Variants in KCNG3 observed in about 807,000 individuals in gnomAD.
KCNG3 encodes potassium voltage-gated channel modifier subfamily G member 3, also known as voltage-gated potassium channel regulatory subunit KCNG3.
A neutral mutation model predicts 29.0 loss-of-function variants in KCNG3; 15 were observed. The observed-to-expected ratio is 0.52, with a 90% confidence interval of 0.35 to 0.80. The LOEUF (loss-of-function observed/expected upper bound fraction) is 0.80, where lower values mean the gene tolerates loss of function less well. KCNG3 is among the 30% of genes least tolerant of loss of function. The pLI, the probability that KCNG3 is intolerant of heterozygous loss-of-function variation, is 0.01. For missense variants in KCNG3, 512 were observed against 605.7 expected, an observed-to-expected ratio of 0.85 and a Z score of 1.62; for synonymous variants, 322 against 248.9, an observed-to-expected ratio of 1.29 and a Z score of -2.76.
chr2:42,477,388 TACACAC>T (rs1210808896), intron 1 of KCNG3, among the ~76,000 whole-genome samples: 91 of 104,786 alleles, frequency 8.7e-4, no homozygotes, highest in Middle Eastern at 7.2e-3. Context: ...CACATATATA[TACACAC>T]ACACACACAC....
chr2:42,409,800 T>C, the KCNG3 span, among the ~76,000 whole-genome samples: 1 of 149,362 alleles, frequency 6.7e-6, no homozygotes, highest in Non-Finnish European at 1.5e-5. Flanking sequence ...TGCATCCCAC[T>C]CCCAGGTAAC....
At chr2:42,390,419 G>A in the KCNG3 span, among the ~76,000 whole-genome samples, 2 of 152,154 alleles carry the variant, frequency 1.3e-5, no homozygotes, top group African/African-American at 2.4e-5. Flanking sequence ...TTCATTTTCC[G>A]TAGCTCTACA....
At chr2:42,407,177 CTTT>C in the KCNG3 span, among the ~76,000 whole-genome samples, 4 of 133,120 alleles carry the variant, frequency 3.0e-5, no homozygotes, top group Admixed American at 1.5e-4. Context: ...TCTGCTTGAT[CTTT>C]TTTTTTTTTT....
the KCNG3 span, among the ~76,000 whole-genome samples, chr2:42,400,784 GT>G: frequency 3.6e-4 from 53 of 149,046 alleles, no homozygotes; most frequent in Middle Eastern, 3.4e-3. Flanking sequence ...GAAAAAATGG[GT>G]TTTTTTTTTC....
chr2:42,482,886 C>T (rs1267028395), intron 1 of KCNG3, among the ~76,000 whole-genome samples: 1 of 151,972 alleles, frequency 6.6e-6, no homozygotes, highest in Admixed American at 6.6e-5. Flanking sequence ...TTTGGGAGAC[C>T]GAGATACATG....
intron 1 of KCNG3, among the ~76,000 whole-genome samples, chr2:42,465,938 T>C (rs1673132376): frequency 6.6e-6 from 1 of 152,142 alleles, no homozygotes. Flanking sequence ...TGAGACAGAA[T>C]AACAAAAATT....
downstream of KCNG3, among the ~76,000 whole-genome samples, chr2:42,441,797 T>C (rs1405628901): frequency 2.0e-5 from 3 of 149,324 alleles, no homozygotes; most frequent in East Asian, 5.8e-4. Context: ...TATATAGGTG[T>C]GTGTGTATAT....
At chr2:42,426,481 A>C in the KCNG3 span, among the ~76,000 whole-genome samples, 1 of 152,234 alleles carries the variant, frequency 6.6e-6, no homozygotes, top group Non-Finnish European at 1.5e-5. Flanking sequence ...GATGACAGTT[A>C]ACAGTAGTTA....
chr2:42,484,460 G>A (rs1405825321), intron 1 of KCNG3, among the ~76,000 whole-genome samples: 1 of 151,982 alleles, frequency 6.6e-6, no homozygotes, highest in African/African-American at 2.4e-5. Context: ...GACTCCGTCT[G>A]AAGAAAAAAT....
chr2:42,476,682 G>T (rs1474386904), intron 1 of KCNG3, among the ~76,000 whole-genome samples: 3 of 148,530 alleles, frequency 2.0e-5, no homozygotes, highest in Non-Finnish European at 4.5e-5. Flanking sequence ...TAGAGACGGG[G>T]TTTCACCATG....
At chr2:42,423,874 C>A in the KCNG3 span, among the ~76,000 whole-genome samples, 13 of 150,016 alleles carry the variant, frequency 8.7e-5, no homozygotes, top group Non-Finnish European at 1.6e-4. Context: ...CTTATTTTTT[C>A]CTCCCCATTT....
the KCNG3 span, among the ~76,000 whole-genome samples, chr2:42,393,598 C>T: frequency 7.9e-5 from 12 of 152,030 alleles, no homozygotes; most frequent in Admixed American, 5.9e-4. Flanking sequence ...ATAAGAAGTT[C>T]AGAGCTGGTA....
At chr2:42,463,829 C>T (rs1272229850) in intron 1 of KCNG3, 7 of 237,436 alleles carry the variant, frequency 2.9e-5, no homozygotes, top group African/African-American at 9.4e-5. Context: ...GGTTCGCAGG[C>T]TGCCAGTCAC....
the KCNG3 span, among the ~76,000 whole-genome samples, chr2:42,403,608 G>A: frequency 1.4e-5 from 2 of 144,760 alleles, no homozygotes; most frequent in Non-Finnish European, 3.0e-5. Context: ...GTCTCTCTAC[G>A]TGACTTTTTT....
intron 1 of KCNG3, among the ~76,000 whole-genome samples, chr2:42,468,382 A>T (rs1317793104): frequency 6.6e-6 from 1 of 152,206 alleles, no homozygotes; most frequent in Non-Finnish European, 1.5e-5. Context: ...AAATTGAACC[A>T]TCATAAATTA....
chr2:42,419,219 C>CTCTT, the KCNG3 span, among the ~76,000 whole-genome samples: 1 of 27,712 alleles, frequency 3.6e-5, no homozygotes. Context: ...GATGGTATCT[C>CTCTT]TTTTTTTTTT....
chr2:42,473,531 G>A (rs564959142), intron 1 of KCNG3, among the ~76,000 whole-genome samples: 1 of 151,752 alleles, frequency 6.6e-6, no homozygotes, highest in Non-Finnish European at 1.5e-5. Context: ...TGTATTTTTA[G>A]TAGAGATATG....
the KCNG3 span, among the ~76,000 whole-genome samples, chr2:42,403,339 C>T: frequency 6.6e-6 from 1 of 152,062 alleles, no homozygotes; most frequent in South Asian, 2.1e-4. Context: ...GACGAGATTT[C>T]GCCATGTTGT....
the KCNG3 span, among the ~76,000 whole-genome samples, chr2:42,420,994 G>C: frequency 1.3e-5 from 2 of 152,044 alleles, no homozygotes; most frequent in African/African-American, 4.8e-5. Context: ...AACAAAAAGG[G>C]CAGCTTTATG....
Sources: gnomAD v4.1 joint callset for allele counts (sites outside exome capture counted in the v4.1 genomes callset) on GRCh38, gnomAD v4.1.1 for gene constraint, MANE v1.5 for transcripts, NCBI Gene and HGNC (gene_info 2026-07-23, HGNC 2026-07-21) for gene names.